ARHGAP24: variants seen among roughly 807,000 people sequenced by gnomAD.
The protein encoded by ARHGAP24 is Rho GTPase activating protein 24, also known as rho GTPase-activating protein 24.
ARHGAP24 carries 50 observed loss-of-function variants against 76.4 expected under a neutral mutation model. The observed-to-expected ratio is 0.65, with a 90% CI of 0.52 to 0.83. The LOEUF is 0.83. Ranked by LOEUF, ARHGAP24 falls within the 40% of genes least tolerant of loss-of-function variation. The pLI, the probability that ARHGAP24 is intolerant of heterozygous loss-of-function variation, is 0.00. For missense variants in ARHGAP24, 930 were observed against 914.2 expected (o/e 1.02, Z -0.22); for synonymous variants, 345 against 323.3 (o/e 1.07, Z -0.72).
chr4:85,690,772 T>TA (rs1553923162), intron 2 of ARHGAP24, among the ~76,000 whole-genome samples: 45 of 149,012 alleles, frequency 3.0e-4, no homozygotes, highest in African/African-American at 1.1e-3. Context: ...TTTTTTTTTT[T>TA]ATTTCATGGA....
chr4:85,994,902 C>T lies in ARHGAP24; in HGVS notation c.1248C>T (p.Pro416=), dbSNP rs1740557861. 8 of 1,614,052 alleles carry T rather than the reference C, an allele frequency of 5.0e-6. No homozygotes were observed. The highest frequency in any genetic ancestry group is 5.9e-6 in the Non-Finnish European group (7 of 1,180,014). ...ACAAGCTAGATGTGTCTAGAAGCCC[C>T]CCTCTCATGGTCAAAAAGAACCCAG... ...SVHKLDVSRS[P]PLMVKKNPAF... is the part of the protein sequence containing the mutation. Residue 416 remains proline (P), a synonymous_variant, in exon 9 of 10, where the codon CCC becomes CCT. Coordinates refer to ENST00000395184, the MANE Select transcript of ARHGAP24 (RefSeq NM_001025616.3).
At chr4:85,829,675 AAAG>A (rs1158093523) in intron 3 of ARHGAP24, among the ~76,000 whole-genome samples, 2 of 152,228 alleles carry the variant, frequency 1.3e-5, no homozygotes, top group Non-Finnish European at 2.9e-5. Context: ...TGCTTCTTGA[AAAG>A]AGTTTAACAT....
intron 3 of ARHGAP24, among the ~76,000 whole-genome samples, chr4:85,787,212 G>A (rs1280383649): frequency 2.6e-5 from 4 of 152,214 alleles, no homozygotes; most frequent in African/African-American, 4.8e-5. Context: ...GAGGATATGA[G>A]CTTGCTTTTC....
intron 2 of ARHGAP24, among the ~76,000 whole-genome samples, chr4:85,680,982 C>T (rs942794612): frequency 6.6e-6 from 1 of 151,872 alleles, no homozygotes; most frequent in Non-Finnish European, 1.5e-5. Context: ...TCTTAGAGCA[C>T]ATTTGTTTAA....
At chr4:85,529,259 C>T (rs1333629059) in intron 1 of ARHGAP24, among the ~76,000 whole-genome samples, 3 of 151,976 alleles carry the variant, frequency 2.0e-5, no homozygotes, top group Non-Finnish European at 4.4e-5. Context: ...TTGACAAGTA[C>T]ATTGTGATAA....
chr4:85,643,126 T>A (rs1424394947), intron 2 of ARHGAP24, among the ~76,000 whole-genome samples: 1 of 152,024 alleles, frequency 6.6e-6, no homozygotes, highest in African/African-American at 2.4e-5. Context: ...TTAAGGAAAG[T>A]GACATGTATC....
chr4:85,666,308 C>T lies in ARHGAP24; in HGVS notation c.181-55577C>T, dbSNP rs550994834. ...TACCCTTTCTTCCAGTTGATCGCAT[C>T]GGCTCCTGAGGCTTCTGCATTCTTC... On this transcript the variant is annotated intron_variant, in intron 2 of 9. Transcript: ENST00000395184. 1.7e-4 allele frequency among the ~76,000 whole-genome samples: 26 copies of T among 152,280 alleles called. No individual in the cohort carries two copies. The South Asian group carries it at 1.9e-3, about 11-fold the overall frequency.
At chr4:85,877,538 T>C (rs1733005747) in intron 3 of ARHGAP24, among the ~76,000 whole-genome samples, 2 of 57,352 alleles carry the variant, frequency 3.5e-5, no homozygotes, top group Admixed American at 4.4e-4. Context: ...GGTGGGAGGA[T>C]CTTTTGAGCC....
At chr4:85,937,417 A>G (rs1736706560) in intron 4 of ARHGAP24, among the ~76,000 whole-genome samples, 1 of 152,234 alleles carries the variant, frequency 6.6e-6, no homozygotes, top group African/African-American at 2.4e-5. Flanking sequence ...TCCATATTGA[A>G]GGTTCTACTG....
At chr4:85,795,813 C>A (rs953680216) in intron 3 of ARHGAP24, among the ~76,000 whole-genome samples, 2 of 152,086 alleles carry the variant, frequency 1.3e-5, no homozygotes, top group African/African-American at 4.8e-5. Context: ...TGTAGTATTT[C>A]TTTGCTTAAG....
chr4:85,518,885 G>A (rs1994067), intron 1 of ARHGAP24, among the ~76,000 whole-genome samples: 132,364 of 152,120 alleles, frequency 0.87, 59,950 homozygotes, highest in Non-Finnish European at 0.98. Context: ...GATACCTAGT[G>A]GTGGGATTGC....
chr4:85,584,613 A>G (rs1446261505), intron 2 of ARHGAP24, among the ~76,000 whole-genome samples: 1 of 152,106 alleles, frequency 6.6e-6, no homozygotes, highest in Non-Finnish European at 1.5e-5. Flanking sequence ...AAAAAAATCT[A>G]TATCCCAAGG....
At chr4:85,603,063 T>C (rs947951579) in intron 2 of ARHGAP24, among the ~76,000 whole-genome samples, 6 of 152,226 alleles carry the variant, frequency 3.9e-5, no homozygotes, top group Non-Finnish European at 8.8e-5. Context: ...CAATTTATTT[T>C]GTTCTGCCTT....
intron 3 of ARHGAP24, among the ~76,000 whole-genome samples, chr4:85,795,786 C>T (rs1321663661): frequency 6.6e-6 from 1 of 151,818 alleles, no homozygotes; most frequent in Non-Finnish European, 1.5e-5. Flanking sequence ...AACACAAAGC[C>T]AAAACTAAAA....
chr4:85,620,912 T>C (rs1032237358), intron 2 of ARHGAP24, among the ~76,000 whole-genome samples: 1 of 152,100 alleles, frequency 6.6e-6, no homozygotes, highest in African/African-American at 2.4e-5. Flanking sequence ...AGGTAGTTTT[T>C]CAACCCTTTC....
intron 1 of ARHGAP24, among the ~76,000 whole-genome samples, chr4:85,520,562 G>A (rs1194384231): frequency 3.3e-5 from 5 of 152,204 alleles, no homozygotes; most frequent in African/African-American, 1.2e-4. Flanking sequence ...ATGATGGGGG[G>A]AAGGAAATTT....
rs148678063 is a variant in ARHGAP24, at chr4:85,512,753, A to G, written c.-21+37194A>G. ...CAGTTAATTTACATGTAACAAATGCAAATTCAGGATATTTGATATTATCTG... is the reference window on the plus strand; with the variant it reads ...CAGTTAATTTACATGTAACAAATGCGAATTCAGGATATTTGATATTATCTG... On this transcript the variant is annotated intron_variant, in intron 1 of 9. Coordinates refer to ENST00000395184, the MANE Select transcript of ARHGAP24 (RefSeq NM_001025616.3). Among the ~76,000 whole-genome samples the G allele has an allele frequency of 5.1e-3, 777 of 152,362 alleles. 5 individuals are homozygous for G. The highest frequency in any genetic ancestry group is 0.018 in the African/African-American group (730 of 41,584).
intron 2 of ARHGAP24, among the ~76,000 whole-genome samples, chr4:85,685,983 C>T (rs1723409794): frequency 6.6e-6 from 1 of 152,206 alleles, no homozygotes; most frequent in Non-Finnish European, 1.5e-5. Flanking sequence ...GCTTCACTCA[C>T]AGGTCTGGCA....
At chr4:85,872,168 T>C (rs939496950) in intron 3 of ARHGAP24, among the ~76,000 whole-genome samples, 3 of 152,102 alleles carry the variant, frequency 2.0e-5, no homozygotes, top group African/African-American at 7.2e-5. Context: ...GACCTTGGAC[T>C]TAGAAAACTT....
Sources: allele counts gnomAD v4.1 joint callset (sites outside exome capture counted in the v4.1 genomes callset), GRCh38; gene constraint gnomAD v4.1.1; transcripts MANE v1.5; gene names NCBI Gene and HGNC (gene_info 2026-07-23, HGNC 2026-07-21).